Variants in TSHR observed in about 807,000 individuals in gnomAD.
TSHR encodes thyrotropin receptor.
Under a neutral mutation model 64.1 loss-of-function variants are expected in TSHR, and 51 were observed. That is an observed-to-expected ratio of 0.80 (90% CI 0.64 to 1.01). The LOEUF (loss-of-function observed/expected upper bound fraction) is 1.01. Among genes scored for constraint, TSHR ranks in the 50% least tolerant of loss-of-function variants. The probability of loss-of-function intolerance (pLI) is 0.00; values close to 1 mark genes in which losing one functional copy is unlikely to be tolerated. For synonymous variants in TSHR, 361 were observed against 361.9 expected (o/e 1.00, Z 0.03); for missense variants, 877 against 942.8 (o/e 0.93, Z 0.91).
At chr14:80,994,037 C>T (rs1566753361) in intron 1 of TSHR, 1 of 152,288 alleles carries the variant, frequency 6.6e-6, no homozygotes, top group Admixed American at 6.6e-5. Context: ...GACAGCAAGA[C>T]CAACCCCTCC....
chr14:81,038,167 G>A (rs1200309353), intron 1 of TSHR, among the ~76,000 whole-genome samples: 4 of 151,902 alleles, frequency 2.6e-5, no homozygotes, highest in African/African-American at 9.7e-5. Context: ...ATTAGAAACT[G>A]ATAAGAGGAA....
At chr14:80,996,143 A>T (rs1889009058) in intron 1 of TSHR, among the ~76,000 whole-genome samples, 2 of 152,164 alleles carry the variant, frequency 1.3e-5, no homozygotes, top group African/African-American at 2.4e-5. Flanking sequence ...CATTTTACAA[A>T]ATCGCAACTG....
intron 1 of TSHR, 78 bp from the exon 2 acceptor site, chr14:81,062,070 T>C: frequency 1.6e-6 from 2 of 1,249,668 alleles, no homozygotes; most frequent in Non-Finnish European, 2.3e-6. Flanking sequence ...TTTTTAATTA[T>C]GTGTTTTTAT....
At position 81,144,454 on chromosome 14, in the gene TSHR, C is replaced by A; in HGVS notation, c.*101C>A. 8.4e-7 allele frequency: 1 copy of A among 1,186,232 alleles called. No homozygotes were observed. Among genetic ancestry groups the A allele is most frequent in the Non-Finnish European group, 1.2e-6 (1 of 813,614 alleles). The allele number at this position is 1,186,232 out of a possible 1,614,324, so 73.5% of individuals were successfully genotyped here. On this transcript the variant is annotated 3_prime_UTR_variant, in exon 10 of 10. Transcript: ENST00000298171. ...GACACCCCCAACACATAGCTGCCCTCACTCTTGTGCAGGCGATGTTTCAAT... is the reference window on the plus strand; with the variant it reads ...GACACCCCCAACACATAGCTGCCCTAACTCTTGTGCAGGCGATGTTTCAAT...
intron 8 of TSHR, among the ~76,000 whole-genome samples, chr14:81,135,623 G>A (rs1029762069): frequency 6.6e-6 from 1 of 152,088 alleles, no homozygotes; most frequent in African/African-American, 2.4e-5. Flanking sequence ...AAATATTCAC[G>A]GCATGAACGT....
intron 3 of TSHR, among the ~76,000 whole-genome samples, chr14:81,087,241 T>A (rs1888349834): frequency 6.6e-6 from 1 of 152,222 alleles, no homozygotes; most frequent in African/African-American, 2.4e-5. Flanking sequence ...GGGAATGCCT[T>A]AAACTCTTTT....
intron 1 of TSHR, among the ~76,000 whole-genome samples, chr14:81,035,967 T>C (rs902571962): frequency 6.6e-6 from 1 of 152,132 alleles, no homozygotes; most frequent in African/African-American, 2.4e-5. Context: ...AGAGCTTCAA[T>C]AGCAGACTAA....
Position 81,103,300 on chromosome 14 carries a change from G to C in TSHR, c.615-5075G>C, listed in dbSNP as rs1889699182. 1.0e-6 allele frequency: 1 copy of C among 985,328 alleles called. No homozygotes were observed. Among genetic ancestry groups the C allele is most frequent in the Non-Finnish European group, 1.2e-6 (1 of 829,940 alleles). 61.0% of individuals were successfully genotyped at this position (985,328 alleles called of 1,614,324 possible). On this transcript the variant is annotated intron_variant, in intron 7 of 9. Coordinates refer to ENST00000298171, the MANE Select transcript of TSHR (RefSeq NM_000369.5). This position sits in a 1 kb window ranked among gnomAD's most constrained non-coding sequence, Gnocchi z 4.1. ...AATCTCCTGTAATTATCTTAATAGTGTTCAAGGATTTCACATGGCATGTTA... is the reference window on the plus strand; with the variant it reads ...AATCTCCTGTAATTATCTTAATAGTCTTCAAGGATTTCACATGGCATGTTA...
intron 1 of TSHR, among the ~76,000 whole-genome samples, chr14:81,041,184 T>C (rs1348546720): frequency 2.0e-5 from 3 of 152,046 alleles, no homozygotes; most frequent in Non-Finnish European, 4.4e-5. Flanking sequence ...ATACCCAAAG[T>C]AATATAAATT....
At chr14:81,122,955 G>A (rs970445384) in intron 8 of TSHR, among the ~76,000 whole-genome samples, 8 of 152,058 alleles carry the variant, frequency 5.3e-5, no homozygotes, top group South Asian at 4.2e-4. Flanking sequence ...GTGAAACGCC[G>A]TCTCTACTGA....
rs1331795234 is a variant in TSHR at position 80,955,710 on chromosome 14, G to T, written c.30G>T (p.Val10=). 1 of 1,614,032 alleles carries T rather than the reference G, an allele frequency of 6.2e-7. No individual in the cohort carries two copies. The highest frequency in any genetic ancestry group is 8.5e-7 in the Non-Finnish European group (1 of 1,180,028). ...GGCCGGCGGACTTGCTGCAGCTGGT[G>T]CTGCTGCTCGACCTGCCCAGGGACC... MRPADLLQL[V]LLLDLPRDLG... The change falls in exon 1 of 10, where the codon GTG becomes GTT. Residue 10 remains valine (V), a synonymous_variant. Coordinates refer to ENST00000298171, the MANE Select transcript of TSHR (RefSeq NM_000369.5).
chr14:81,115,297 A>G (rs1321691293), intron 8 of TSHR, among the ~76,000 whole-genome samples: 1 of 151,520 alleles, frequency 6.6e-6, no homozygotes, highest in African/African-American at 2.4e-5. Context: ...ATTTAGAAGA[A>G]TGTATAACGA....
intron 3 of TSHR, among the ~76,000 whole-genome samples, chr14:81,075,245 C>A (rs1307642731): frequency 6.6e-6 from 1 of 152,190 alleles, no homozygotes; most frequent in Non-Finnish European, 1.5e-5. Context: ...GTTTGCATCC[C>A]TCCCAGCTCC....
At chr14:81,000,852 T>G (rs1889272297) in intron 1 of TSHR, among the ~76,000 whole-genome samples, 1 of 152,246 alleles carries the variant, frequency 6.6e-6, no homozygotes, top group Admixed American at 6.5e-5. Flanking sequence ...GTGGGGTCTA[T>G]AGAGGATCTC....
At chr14:81,024,165 T>C (rs933880847) in intron 1 of TSHR, among the ~76,000 whole-genome samples, 9 of 152,178 alleles carry the variant, frequency 5.9e-5, no homozygotes, top group African/African-American at 1.9e-4. Context: ...CTTTAGTTCC[T>C]TTAACTTCCT....
At chr14:81,099,898 A>G (rs1303213982) in intron 7 of TSHR, among the ~76,000 whole-genome samples, 1 of 152,202 alleles carries the variant, frequency 6.6e-6, no homozygotes, top group Non-Finnish European at 1.5e-5. Flanking sequence ...AGGAAGTGTT[A>G]GTGTGCTAAG....
chr14:80,964,290 T>G (rs1278215433), intron 1 of TSHR, among the ~76,000 whole-genome samples: 1 of 152,222 alleles, frequency 6.6e-6, no homozygotes, highest in East Asian at 1.9e-4. Flanking sequence ...AATGTCCAGT[T>G]ATTTTCATCT....
intron 1 of TSHR, among the ~76,000 whole-genome samples, chr14:81,037,906 T>C (rs1299512427): frequency 6.9e-6 from 1 of 145,350 alleles, no homozygotes; most frequent in African/African-American, 2.5e-5. Context: ...CTTTCAGCAA[T>C]AGATAGATCA....
At chr14:81,092,988 G>A (rs1199273156) in intron 6 of TSHR, among the ~76,000 whole-genome samples, 1 of 152,202 alleles carries the variant, frequency 6.6e-6, no homozygotes, top group Non-Finnish European at 1.5e-5. Flanking sequence ...TTTATAGAAA[G>A]AGGCAGTGGA....
Sources: gnomAD v4.1 joint callset for allele counts (sites outside exome capture counted in the v4.1 genomes callset) on GRCh38, gnomAD v4.1.1 for gene constraint, Gnocchi (gnomAD v3.1) non-coding constraint, MANE v1.5 for transcripts, NCBI Gene and HGNC (gene_info 2026-07-23, HGNC 2026-07-21) for gene names.